Variants in DPH6 observed in about 807,000 individuals in gnomAD.
DPH6 encodes the protein diphthine--ammonia ligase.
DPH6 carries 33 observed loss-of-function variants against 38.2 expected under a neutral mutation model. The observed-to-expected ratio is 0.86, with a 90% CI of 0.65 to 1.15. DPH6 has a LOEUF of 1.15. Among genes scored for constraint, DPH6 ranks in the 50% most tolerant of loss-of-function variants. The pLI is 0.00. For missense variants in DPH6, 325 were observed against 320.0 expected, an observed-to-expected ratio of 1.02 and a Z score of -0.12; for synonymous variants, 108 against 103.0, an observed-to-expected ratio of 1.05 and a Z score of -0.30.
chr15:35,281,020 T>C (rs1044805672), intron 3 of DPH6, among the ~76,000 whole-genome samples: 11 of 152,166 alleles, frequency 7.2e-5, no homozygotes, highest in East Asian at 1.9e-4. Context: ...TAGTTACATA[T>C]GTATACATGT....
At chr15:35,330,374 A>G (rs529895266), downstream of DPH6, among the ~76,000 whole-genome samples, 31 of 152,318 alleles carry the variant, frequency 2.0e-4, 1 homozygote, top group Admixed American at 1.2e-3. Context: ...TTAAATGAAG[A>G]AAGATGCAAA....
intron 2 of DPH6, among the ~76,000 whole-genome samples, chr15:35,539,747 T>C (rs907906973): frequency 6.6e-6 from 1 of 152,034 alleles, no homozygotes; most frequent in African/African-American, 2.4e-5. Flanking sequence ...AGGCTTTCCA[T>C]TAAATGTGAA....
chr15:35,522,912 TAC>T (rs2054942030), intron 3 of DPH6, among the ~76,000 whole-genome samples: 2 of 152,258 alleles, frequency 1.3e-5, no homozygotes, highest in African/African-American at 4.8e-5. Flanking sequence ...TAAAAATATA[TAC>T]AGATGTATTT....
downstream of DPH6, among the ~76,000 whole-genome samples, chr15:35,330,285 T>C (rs185251464): frequency 3.9e-4 from 60 of 152,288 alleles, no homozygotes; most frequent in African/African-American, 1.3e-3. Flanking sequence ...AATACAAGCC[T>C]ACTCATGCAG....
intron 3 of DPH6, among the ~76,000 whole-genome samples, chr15:35,268,083 T>C (rs1447635115): frequency 6.6e-6 from 1 of 151,864 alleles, no homozygotes; most frequent in East Asian, 1.9e-4. Context: ...GGCAGGAGAA[T>C]GGTGTGAACC....
downstream of DPH6, among the ~76,000 whole-genome samples, chr15:35,326,440 A>AT (rs11440125): frequency 0.059 from 8,884 of 150,438 alleles, 808 homozygotes; most frequent in African/African-American, 0.2. Context: ...TTTAAAAAGA[A>AT]TTTTTTTTTT....
chr15:35,197,999 A>G, the DPH6 span, among the ~76,000 whole-genome samples: 2 of 152,192 alleles, frequency 1.3e-5, no homozygotes, highest in Non-Finnish European at 2.9e-5. Flanking sequence ...TGACTAGGAC[A>G]TAAGACCTCA....
In DPH6 at chr15:35,401,364, C is replaced by T. The variant is rs140294352; in HGVS notation, c.567+9471G>A. The T allele has an allele frequency of 5.9e-4, 442 of 750,678 alleles. 1 individual carries two copies. In the African/African-American group the frequency reaches 6.3e-3, roughly 11 times the overall value. The allele number at this position is 750,678 out of a possible 1,614,324, so 46.5% of individuals were successfully genotyped here. On this transcript the variant is annotated intron_variant, in intron 6 of 8. Transcript: ENST00000256538. Reference sequence around the variant, plus strand: ...GCAGCTGTGGTGCTGATGGGTATGGCGGCAGTGGGAATGGCTATAATGATT... The same window carrying T: ...GCAGCTGTGGTGCTGATGGGTATGGTGGCAGTGGGAATGGCTATAATGATT...
At chr15:35,370,702 G>A, downstream of DPH6, among the ~76,000 whole-genome samples, 1 of 151,644 alleles carries the variant, frequency 6.6e-6, no homozygotes, top group Non-Finnish European at 1.5e-5. Context: ...TGGTCAGGAG[G>A]TGGAACAACA....
At chr15:35,177,035 T>C in the DPH6 span, among the ~76,000 whole-genome samples, 38,144 of 152,048 alleles carry the variant, frequency 0.25, 5,624 homozygotes, top group East Asian at 0.68. Flanking sequence ...GTATTTGTAT[T>C]TGCCAATGAA....
chr15:35,493,903 T>C (rs1420583754), intron 3 of DPH6, among the ~76,000 whole-genome samples: 1 of 152,150 alleles, frequency 6.6e-6, no homozygotes, highest in Non-Finnish European at 1.5e-5. Flanking sequence ...AAATGTACTA[T>C]TCTTCATTTA....
chr15:35,337,047 C>T (rs376157819), intron 3 of DPH6, among the ~76,000 whole-genome samples: 3 of 151,972 alleles, frequency 2.0e-5, no homozygotes, highest in African/African-American at 7.2e-5. Flanking sequence ...GTACCTCTGG[C>T]AGAATTCGGC....
At chr15:35,542,965 T>A (rs4640138) in intron 1 of DPH6, among the ~76,000 whole-genome samples, 7,106 of 75,796 alleles carry the variant, frequency 0.094, 976 homozygotes, top group Middle Eastern at 0.22. Flanking sequence ...TATATATATA[T>A]AAAATAATTT....
At position 35,545,851 on chromosome 15, in the gene DPH6, T is replaced by A. The variant is rs760774546; in HGVS notation, c.23+268A>T. On this transcript the variant is annotated intron_variant, in intron 1 of 8. Coordinates refer to ENST00000256538, the MANE Select transcript of DPH6 (RefSeq NM_080650.4). ...GGGGCCCAGGCGTCGGTACTTTTTT[T>A]AATTTCCCACTTGAATCCAATGGGA... Among the ~76,000 whole-genome samples the A allele has an allele frequency of 1.6e-4, 24 of 152,246 alleles. 1 individual carries two copies. The highest frequency in any genetic ancestry group is 2.6e-4 in the Admixed American group (4 of 15,298).
chr15:35,295,309 C>A (rs1252120113), intron 3 of DPH6, among the ~76,000 whole-genome samples: 1 of 152,220 alleles, frequency 6.6e-6, no homozygotes. Flanking sequence ...AAAATCCCCC[C>A]AAGTCCACAG....
At chr15:35,385,965 T>A (rs1006532536) in intron 6 of DPH6, among the ~76,000 whole-genome samples, 2 of 151,986 alleles carry the variant, frequency 1.3e-5, no homozygotes, top group African/African-American at 4.8e-5. Flanking sequence ...CATTTAGCAT[T>A]AGGTATATCT....
chr15:35,272,428 G>A (rs541502983), intron 3 of DPH6, among the ~76,000 whole-genome samples: 2 of 152,248 alleles, frequency 1.3e-5, no homozygotes, highest in East Asian at 1.9e-4. Flanking sequence ...ACTGAATTAT[G>A]TCCTTGCTGA....
At chr15:35,543,026 A>G (rs2055285338) in intron 1 of DPH6, among the ~76,000 whole-genome samples, 1 of 142,312 alleles carries the variant, frequency 7.0e-6, no homozygotes, top group South Asian at 2.2e-4. Flanking sequence ...AAAGTAAAAA[A>G]AAAAACAAAT....
intron 3 of DPH6, among the ~76,000 whole-genome samples, chr15:35,257,420 C>T (rs2051715608): frequency 6.6e-6 from 1 of 152,126 alleles, no homozygotes; most frequent in South Asian, 2.1e-4. Context: ...AATGAGAGAT[C>T]CGCACTTCTT....
Sources: allele counts gnomAD v4.1 joint callset (sites outside exome capture counted in the v4.1 genomes callset), GRCh38; gene constraint gnomAD v4.1.1; transcripts MANE v1.5; gene names NCBI Gene and HGNC (gene_info 2026-07-23, HGNC 2026-07-21).